Variants in NTM observed in about 807,000 individuals in gnomAD.
NTM encodes the protein IgLON family member 2.
Under a neutral mutation model 42.1 loss-of-function variants are expected in NTM, and 13 were observed. The observed-to-expected ratio is 0.31, with a 90% CI of 0.20 to 0.49. NTM has a LOEUF of 0.49. Ranked by LOEUF, NTM falls within the 20% of genes least tolerant of loss-of-function variation. The pLI is 0.99. For missense variants in NTM, 373 were observed against 452.8 expected, an observed-to-expected ratio of 0.82 and a Z score of 1.60; for synonymous variants, 187 against 179.2, an observed-to-expected ratio of 1.04 and a Z score of -0.35.
chr11:132,057,202 A>C (rs2079835117), intron 2 of NTM, among the ~76,000 whole-genome samples: 1 of 152,238 alleles, frequency 6.6e-6, no homozygotes, highest in Non-Finnish European at 1.5e-5. Flanking sequence ...AAAAGAAAAA[A>C]GAAAAGAAAG....
intron 2 of NTM, among the ~76,000 whole-genome samples, chr11:132,134,739 A>C (rs546243202): frequency 4.7e-5 from 4 of 85,804 alleles, no homozygotes; most frequent in African/African-American, 1.9e-4. Context: ...ATATATATAT[A>C]TATATATATA....
At chr11:131,664,776 TTTTA>T (rs1308281098) in intron 1 of NTM, among the ~76,000 whole-genome samples, 15 of 134,608 alleles carry the variant, frequency 1.1e-4, no homozygotes, top group African/African-American at 4.1e-4. Flanking sequence ...TTTTTTTTTT[TTTTA>T]GATTTTAATA....
intron 1 of NTM, among the ~76,000 whole-genome samples, chr11:131,709,450 A>G (rs1384968726): frequency 3.3e-5 from 5 of 152,252 alleles, no homozygotes; most frequent in Non-Finnish European, 7.3e-5. Flanking sequence ...GTGACAAGAC[A>G]GGATTAGTTT....
chr11:131,959,661 A>G (rs979128409), intron 2 of NTM, among the ~76,000 whole-genome samples: 17 of 152,144 alleles, frequency 1.1e-4, no homozygotes, highest in Admixed American at 1.1e-3. Context: ...CTGCGGGTGA[A>G]TATTCTCATG....
At chr11:131,521,550 A>T (rs1015474347) in intron 1 of NTM, among the ~76,000 whole-genome samples, 7 of 151,320 alleles carry the variant, frequency 4.6e-5, no homozygotes, top group Non-Finnish European at 1.0e-4. Flanking sequence ...CTGGGACTGC[A>T]AGGGCCCGAG....
intron 1 of NTM, among the ~76,000 whole-genome samples, chr11:131,714,172 A>G (rs1231818860): frequency 6.6e-6 from 1 of 152,010 alleles, no homozygotes. Flanking sequence ...GCTGATCACC[A>G]GCTTCAGATT....
At chr11:131,787,289 C>A (rs952834972) in intron 1 of NTM, among the ~76,000 whole-genome samples, 4 of 149,532 alleles carry the variant, frequency 2.7e-5, no homozygotes, top group Non-Finnish European at 4.4e-5. Context: ...TATATTTGTG[C>A]CTATACACAA....
intron 1 of NTM, among the ~76,000 whole-genome samples, chr11:131,685,380 TGACAGCACTCAGACTTCCCCA>T (rs1462745717): frequency 2.7e-5 from 4 of 146,790 alleles, no homozygotes; most frequent in Non-Finnish European, 5.9e-5. Flanking sequence ...GCAGGCAGGC[TGACAGCACTCAGACTTCCCCA>T]GAACTGAATG....
intron 2 of NTM, among the ~76,000 whole-genome samples, chr11:132,015,304 A>G (rs189576520): frequency 6.6e-6 from 1 of 152,016 alleles, no homozygotes; most frequent in East Asian, 1.9e-4. Flanking sequence ...GCCTTTTAAT[A>G]TATTTTGAGT....
intron 1 of NTM, among the ~76,000 whole-genome samples, chr11:131,867,449 ATG>A (rs888194387): frequency 1.1e-4 from 16 of 150,940 alleles, no homozygotes; most frequent in East Asian, 2.0e-4. Flanking sequence ...CCATATGTGT[ATG>A]TGTGTGTGTG....
At chr11:132,144,455 C>A (rs1179887378) in intron 2 of NTM, among the ~76,000 whole-genome samples, 2 of 152,166 alleles carry the variant, frequency 1.3e-5, no homozygotes, top group East Asian at 3.9e-4. Context: ...ACCTTGAAAT[C>A]CTTATTCATG....
chr11:131,875,898 A>T (rs1375154708), intron 1 of NTM, among the ~76,000 whole-genome samples: 1 of 152,182 alleles, frequency 6.6e-6, no homozygotes, highest in Non-Finnish European at 1.5e-5. Flanking sequence ...AGGCTGCAGC[A>T]GTGGCATCCT....
At chr11:131,680,611 CTGTG>C (rs1202764901) in intron 1 of NTM, among the ~76,000 whole-genome samples, 4 of 143,386 alleles carry the variant, frequency 2.8e-5, no homozygotes, top group African/African-American at 7.6e-5. Flanking sequence ...ATGCCTGTGT[CTGTG>C]TCTGTGAGTG....
chr11:131,876,237 G>T (rs1462076523), intron 1 of NTM, among the ~76,000 whole-genome samples: 1 of 152,230 alleles, frequency 6.6e-6, no homozygotes, highest in East Asian at 1.9e-4. Flanking sequence ...CTGTGTGGGT[G>T]CCTGTGTACA....
intron 3 of NTM, among the ~76,000 whole-genome samples, chr11:132,148,301 T>C (rs2071033581): frequency 6.6e-6 from 1 of 152,184 alleles, no homozygotes; most frequent in Non-Finnish European, 1.5e-5. Flanking sequence ...TTTTTTAATG[T>C]AAAATACATT....
chr11:132,195,072 C>T (rs893740804), intron 3 of NTM, among the ~76,000 whole-genome samples: 4 of 151,960 alleles, frequency 2.6e-5, no homozygotes, highest in Non-Finnish European at 5.9e-5. Context: ...ATCTGTCTGC[C>T]TCGGCCTCCT....
chr11:132,163,653 C>G lies in NTM; in HGVS notation c.400+17139C>G, dbSNP rs564237244. ...TTCACAGCCTCCCTCAAACACTAAG[C>G]TTCCCCTTATGAGCAAAGGATCAGG... On this transcript the variant is annotated intron_variant, in intron 3 of 8. Coordinates refer to ENST00000683400, the MANE Select transcript of NTM (RefSeq NM_001352005.2). Among the ~76,000 whole-genome samples, 8 of 152,336 alleles carry G rather than the reference C, an allele frequency of 5.3e-5. No homozygotes were observed. In the South Asian group the frequency reaches 1.7e-3, roughly 32 times the overall value.
At chr11:131,884,717 G>A (rs2050108596) in intron 1 of NTM, among the ~76,000 whole-genome samples, 1 of 152,210 alleles carries the variant, frequency 6.6e-6, no homozygotes, top group African/African-American at 2.4e-5. Context: ...CATTCGGGAA[G>A]AGGCTCGCCA....
chr11:132,034,040 A>T (rs1042927902), intron 2 of NTM, among the ~76,000 whole-genome samples: 1 of 152,208 alleles, frequency 6.6e-6, no homozygotes, highest in Non-Finnish European at 1.5e-5. Context: ...ATGGTCTTAT[A>T]GTTAACTTGG....
Sources: gnomAD v4.1 joint callset for allele counts (sites outside exome capture counted in the v4.1 genomes callset) on GRCh38, gnomAD v4.1.1 for gene constraint, MANE v1.5 for transcripts, NCBI Gene and HGNC (gene_info 2026-07-23, HGNC 2026-07-21) for gene names.